Variants in PRDX1 observed in about 807,000 individuals in gnomAD.
PRDX1 encodes peroxiredoxin-1.
A neutral mutation model predicts 20.7 loss-of-function variants in PRDX1; 19 were observed. The observed-to-expected ratio is 0.92, with a 90% CI of 0.64 to 1.35. The LOEUF (loss-of-function observed/expected upper bound fraction) is 1.35, where lower values mean the gene tolerates loss of function less well. Ranked by LOEUF, PRDX1 falls within the 40% of genes most tolerant of loss-of-function variation. PRDX1 has a pLI of 0.00. For missense variants in PRDX1, 226 were observed against 240.0 expected (o/e 0.94, Z 0.38); for synonymous variants, 89 against 83.9 (o/e 1.06, Z -0.33).
chr1:45,515,933 A>G, intron 2 of PRDX1, 126 bp from the exon 3 acceptor site: 1 of 938,570 alleles, frequency 1.1e-6, no homozygotes, highest in Non-Finnish European at 1.5e-6. Context: ...TGCTCAATAC[A>G]GATGTCTCCT....
At position 45,515,584 on chromosome 1, in the gene PRDX1, GCAAGACTCCATC is replaced by G. The variant is rs537542245; in HGVS notation, c.260+58_260+69del. 2.4e-6 allele frequency: 3 copies of G among 1,259,972 alleles called. 1 individual carries two copies. The African/African-American group carries it at 7.0e-5, about 29-fold the overall frequency. The allele number at this position is 1,259,972 out of a possible 1,614,324, so 78.0% of individuals were successfully genotyped here. Reference sequence around the variant, plus strand: ...ACTGCACTCCAGCCTGGGCGACAAAGCAAGACTCCATCTCAAAAAAAAAAAAAAAAAAAAAAA... The same window carrying G: ...ACTGCACTCCAGCCTGGGCGACAAAGTCAAAAAAAAAAAAAAAAAAAAAAA... On this transcript the variant is annotated intron_variant, in intron 3 of 5. Coordinates refer to ENST00000319248, the MANE Select transcript of PRDX1 (RefSeq NM_181697.3).
At chr1:45,518,837 CA>C (rs1479590157) in intron 2 of PRDX1, 100 bp downstream of exon 2, 3 of 1,076,860 alleles carry the variant, frequency 2.8e-6, no homozygotes, top group Non-Finnish European at 4.1e-6. Context: ...TCCTAGGAGA[CA>C]AAACATTTTA....
At position 45,511,177 on chromosome 1, in the gene PRDX1, TC is replaced by T. The variant is rs2149325233; in HGVS notation, c.*151del. The T allele has an allele frequency of 1.6e-6, 1 of 635,274 alleles. No homozygotes were observed. The highest frequency in any genetic ancestry group is 2.4e-5 in the South Asian group (1 of 42,368). The allele number at this position is 635,274 out of a possible 1,614,324, so 39.4% of individuals were successfully genotyped here. On this transcript the variant is annotated 3_prime_UTR_variant, in exon 6 of 6. Transcript: ENST00000319248. The stretch of plus-strand genomic sequence containing the variant: ...CCTACCAAAGGAAGAAAGGCTGGTC[TC>T]TCCACCCCCTGTAGGAAAGGCCTGC...
chr1:45,514,212 C>G (rs1021129076), intron 5 of PRDX1, among the ~76,000 whole-genome samples: 3 of 152,150 alleles, frequency 2.0e-5, no homozygotes, highest in Admixed American at 1.3e-4. Context: ...CCTTTGTTCA[C>G]GTGTTTATCT....
At chr1:45,519,707 T>G (rs1643890755) in intron 1 of PRDX1, among the ~76,000 whole-genome samples, 2 of 152,200 alleles carry the variant, frequency 1.3e-5, no homozygotes, top group South Asian at 4.1e-4. Context: ...GGGATTCTCC[T>G]GCCTCAGCCT....
intron 1 of PRDX1, among the ~76,000 whole-genome samples, chr1:45,519,989 C>CT (rs1643893640): frequency 6.6e-6 from 1 of 151,990 alleles, no homozygotes; most frequent in East Asian, 1.9e-4. Flanking sequence ...GGCGGATCAC[C>CT]GGGTCAGGAG....
At chr1:45,516,890 G>A (rs1019762452) in intron 2 of PRDX1, among the ~76,000 whole-genome samples, 46 of 151,978 alleles carry the variant, frequency 3.0e-4, no homozygotes, top group African/African-American at 9.7e-4. Flanking sequence ...GTGTGACAGC[G>A]GGGGCCTGAA....
intron 5 of PRDX1, chr1:45,512,322 C>T (rs1643768537): frequency 6.6e-6 from 1 of 150,644 alleles, no homozygotes; most frequent in Non-Finnish European, 1.5e-5. Flanking sequence ...ACTGCAAGCT[C>T]CACCTCCGGG....
At chr1:45,514,675 A>C in intron 4 of PRDX1, 38 bp from the exon 5 acceptor site, 1 of 1,610,836 alleles carries the variant, frequency 6.2e-7, no homozygotes, top group East Asian at 2.2e-5. Context: ...ATACAGGTTT[A>C]GAGATGTGCT....
chr1:45,512,131 T>G (rs67683090), intron 5 of PRDX1: 31,240 of 129,988 alleles, frequency 0.24, 3,704 homozygotes, highest in Middle Eastern at 0.35. Context: ...CAGGCTGGAG[T>G]ACGGTGGCGC....
chr1:45,518,430 G>A (rs940180390), intron 2 of PRDX1, among the ~76,000 whole-genome samples: 3 of 129,986 alleles, frequency 2.3e-5, no homozygotes, highest in African/African-American at 6.0e-5. Context: ...TCACGCCATT[G>A]CACTCTAGCC....
chr1:45,519,343 A>G (rs1643888169), intron 1 of PRDX1, among the ~76,000 whole-genome samples: 1 of 152,236 alleles, frequency 6.6e-6, no homozygotes, highest in Non-Finnish European at 1.5e-5. Context: ...TTTCTGAACC[A>G]TAATTAGTGC....
At chr1:45,515,833 T>C (rs775525174) in intron 2 of PRDX1, 26 bp from the exon 3 acceptor site, 6 of 1,537,460 alleles carry the variant, frequency 3.9e-6, no homozygotes, top group Non-Finnish European at 5.2e-6. Flanking sequence ...GAGTCATGGT[T>C]AGCATTTGAC....
rs1643834072 is a variant in PRDX1 at position 45,515,100 on chromosome 1, T to A, written c.261-105A>T. 2.7e-6 allele frequency: 4 copies of A among 1,504,246 alleles called. No individual in the cohort carries two copies. The Admixed American group carries it at 6.1e-5, about 23-fold the overall frequency. The allele number at this position is 1,504,246 out of a possible 1,614,324, so 93.2% of individuals were successfully genotyped here. Reference sequence around the variant, plus strand: ...TCCTAATCTAACTTTCCAAAAAGACTGTTTTTTTTCCGTTTTCCAGCAATA... The same window carrying A: ...TCCTAATCTAACTTTCCAAAAAGACAGTTTTTTTTCCGTTTTCCAGCAATA... On this transcript the variant is annotated intron_variant, in intron 3 of 5. Transcript: ENST00000319248.
At chr1:45,516,513 CAGAG>C (rs1240173948) in intron 2 of PRDX1, among the ~76,000 whole-genome samples, 1 of 151,898 alleles carries the variant, frequency 6.6e-6, no homozygotes, top group Non-Finnish European at 1.5e-5. Flanking sequence ...AAGAGGGAGA[CAGAG>C]AGAGACAGAA....
chr1:45,512,581 T>C (rs1172223026), intron 5 of PRDX1: 1 of 151,850 alleles, frequency 6.6e-6, no homozygotes, highest in Non-Finnish European at 1.5e-5. Flanking sequence ...TGGTACCTAT[T>C]TAAGAGGCTG....
intron 3 of PRDX1, among the ~76,000 whole-genome samples, chr1:45,515,418 T>C (rs1643839869): frequency 6.6e-6 from 1 of 151,590 alleles, no homozygotes; most frequent in African/African-American, 2.4e-5. Context: ...ACTAACACGG[T>C]GAAACACCGT....
At chr1:45,513,305 T>C (rs1188570850) in intron 5 of PRDX1, 2 of 152,230 alleles carry the variant, frequency 1.3e-5, no homozygotes, top group Non-Finnish European at 2.9e-5. Context: ...AGTTAGATCT[T>C]TGGGAGTGAC....
chr1:45,518,452 A>G (rs901412318), intron 2 of PRDX1, among the ~76,000 whole-genome samples: 4 of 134,768 alleles, frequency 3.0e-5, no homozygotes, highest in African/African-American at 1.2e-4. Flanking sequence ...GGGCAACAAG[A>G]GCAAAACTCC....
Sources: gnomAD v4.1 joint callset for allele counts (sites outside exome capture counted in the v4.1 genomes callset) on GRCh38, gnomAD v4.1.1 for gene constraint, MANE v1.5 for transcripts, NCBI Gene and HGNC (gene_info 2026-07-23, HGNC 2026-07-21) for gene names.